The following DIP2C variants were observed in gnomAD, a reference collection of about 807,000 sequenced individuals.
DIP2C encodes disco-interacting protein 2 homolog C.
Under a neutral mutation model 192.4 loss-of-function variants are expected in DIP2C, and 33 were observed. The observed-to-expected ratio is 0.17, with a 90% CI of 0.13 to 0.23. The LOEUF (loss-of-function observed/expected upper bound fraction) is 0.23. DIP2C is among the 10% of genes least tolerant of loss of function. DIP2C has a pLI of 1.00. For missense variants in DIP2C, 1,537 were observed against 2,110.1 expected (o/e 0.73, Z 5.32); for synonymous variants, 979 against 864.1 (o/e 1.13, Z -2.33).
At chr10:348,616 G>T (rs767072916) in intron 26 of DIP2C, 25 bp downstream of exon 26, 1 of 1,609,150 alleles carries the variant, frequency 6.2e-7, no homozygotes, top group Non-Finnish European at 8.5e-7. Context: ...GCAGGTGGAG[G>T]CCCCGACATT....
chr10:422,089 T>C (rs1589758435), intron 5 of DIP2C, among the ~76,000 whole-genome samples: 1 of 152,186 alleles, frequency 6.6e-6, no homozygotes. Context: ...ACCGGGAGGG[T>C]CTGAGCCCGT....
At chr10:581,860 G>GCA (rs1362864950) in intron 1 of DIP2C, among the ~76,000 whole-genome samples, 1 of 152,118 alleles carries the variant, frequency 6.6e-6, no homozygotes, top group African/African-American at 2.4e-5. Flanking sequence ...TGACATCTTA[G>GCA]CACATGTTAG....
intron 22 of DIP2C, among the ~76,000 whole-genome samples, chr10:361,908 G>A (rs1023032127): frequency 1.3e-5 from 2 of 151,930 alleles, no homozygotes; most frequent in African/African-American, 2.4e-5. Flanking sequence ...CACATTCCCC[G>A]TGTCAATCAT....
chr10:597,319 C>T lies in DIP2C; in HGVS notation c.85+92175G>A, dbSNP rs1406660116. ...GTGGGTCCTGGGGCTTCTTGGCCTC[C>T]GTAGCCCCTGCAGCAAGCCTCCCCC... is the stretch of plus-strand genomic sequence containing the variant. On this transcript the variant is annotated intron_variant, in intron 1 of 36. Coordinates refer to ENST00000280886, the MANE Select transcript of DIP2C (RefSeq NM_014974.3). Among the ~76,000 whole-genome samples, 7 of 152,200 alleles carry T rather than the reference C, an allele frequency of 4.6e-5. No individual in the cohort carries two copies. In the East Asian group the frequency reaches 1.2e-3, roughly 25 times the overall value.
Position 357,842 on chromosome 10 carries a change from C to A in DIP2C, c.2890G>T (p.Asp964Tyr). The A allele has an allele frequency of 6.2e-7, 1 of 1,612,322 alleles. No individual in the cohort carries two copies. Among genetic ancestry groups the A allele is most frequent in the South Asian group, 1.1e-5 (1 of 90,996 alleles). Residue 964 changes from aspartate to tyrosine, a missense_variant, in exon 23 of 37, where the codon GAC (aspartate) becomes TAC (tyrosine). Asp to Tyr is a radical substitution (Grantham distance 160). Around this residue, in one of 4 missense-constraint regions of DIP2C, gnomAD observed 677 missense variants for 989.9 expected, o/e 0.68. Transcript: ENST00000280886. The part of the protein sequence containing the change: ...GRDLGQIEDN[D>Y]QARKFLFLSE... Reference sequence around the variant, plus strand: ...CCAGCTCCTACCTTGCGTGCCTGGTCGTTATCTTCGATCTGACCCAGGTCT... The same window carrying A: ...CCAGCTCCTACCTTGCGTGCCTGGTAGTTATCTTCGATCTGACCCAGGTCT...
intron 3 of DIP2C, among the ~76,000 whole-genome samples, chr10:462,807 G>A (rs1969901827): frequency 1.3e-5 from 2 of 151,396 alleles, no homozygotes; most frequent in Non-Finnish European, 3.0e-5. Context: ...CCAGCAGAAA[G>A]CCGATCCACC....
intron 10 of DIP2C, among the ~76,000 whole-genome samples, chr10:397,919 C>T (rs1345507581): frequency 6.6e-6 from 1 of 152,184 alleles, no homozygotes; most frequent in Non-Finnish European, 1.5e-5. Flanking sequence ...CCCTTACTCC[C>T]TCATCCTCTG....
chr10:580,289 C>T (rs1456096132), intron 1 of DIP2C, among the ~76,000 whole-genome samples: 1 of 152,098 alleles, frequency 6.6e-6, no homozygotes, highest in African/African-American at 2.4e-5. Flanking sequence ...TGTACATATG[C>T]AGCATGCGTA....
intron 28 of DIP2C, among the ~76,000 whole-genome samples, chr10:342,934 C>A (rs1279148084): frequency 6.6e-6 from 1 of 152,204 alleles, no homozygotes; most frequent in Non-Finnish European, 1.5e-5. Context: ...TCTAGCCAAA[C>A]AAACCTCAGA....
intron 1 of DIP2C, among the ~76,000 whole-genome samples, chr10:536,503 G>A (rs1847704771): frequency 6.6e-6 from 1 of 151,366 alleles, no homozygotes; most frequent in Admixed American, 6.6e-5. Context: ...CACAGTCCCA[G>A]GGGGGCCAGC....
chr10:525,384 A>G (rs1439140544), intron 1 of DIP2C, among the ~76,000 whole-genome samples: 1 of 152,242 alleles, frequency 6.6e-6, no homozygotes, highest in Non-Finnish European at 1.5e-5. Flanking sequence ...GCTGAGACTC[A>G]GCGTATCTCA....
intron 3 of DIP2C, among the ~76,000 whole-genome samples, chr10:445,258 G>A (rs1363910468): frequency 6.6e-6 from 1 of 151,674 alleles, no homozygotes; most frequent in Non-Finnish European, 1.5e-5. Flanking sequence ...ATGGCCCATG[G>A]GGCATCTGTA....
Position 363,141 on chromosome 10 carries a change from T to G in DIP2C, c.2592+56A>C, listed in dbSNP as rs1959736333. 6.7e-7 allele frequency: 1 copy of G among 1,498,216 alleles called. No homozygotes were observed. Among genetic ancestry groups the G allele is most frequent in the Admixed American group, 1.8e-5 (1 of 56,934 alleles). The allele number at this position is 1,498,216 out of a possible 1,614,324, so 92.8% of individuals were successfully genotyped here. ...TGGTCACACCATGATCTGAATGAAG[T>G]AAGGAGGCCAGAAACAAGACACAGG... On this transcript the variant is annotated intron_variant, in intron 21 of 36. Coordinates refer to ENST00000280886, the MANE Select transcript of DIP2C (RefSeq NM_014974.3). This position sits in a 1 kb window ranked among gnomAD's most constrained non-coding sequence, Gnocchi z 5.4.
At chr10:678,128 T>C (rs145341235) in intron 1 of DIP2C, among the ~76,000 whole-genome samples, 11 of 152,250 alleles carry the variant, frequency 7.2e-5, no homozygotes, top group African/African-American at 2.4e-4. Flanking sequence ...CCCCGAGCAG[T>C]GGGGAAAGTC....
chr10:379,396 A>G (rs1716562952), intron 17 of DIP2C, among the ~76,000 whole-genome samples: 1 of 152,108 alleles, frequency 6.6e-6, no homozygotes. Flanking sequence ...GTTTTGCATG[A>G]CAGACATTCT....
At chr10:502,566 G>T (rs965185292) in intron 1 of DIP2C, among the ~76,000 whole-genome samples, 1 of 152,030 alleles carries the variant, frequency 6.6e-6, no homozygotes, top group Non-Finnish European at 1.5e-5. Flanking sequence ...GGAAACTCAA[G>T]TCACACCAAA....
intron 31 of DIP2C, among the ~76,000 whole-genome samples, chr10:310,937 A>G (rs1183055636): frequency 6.6e-6 from 1 of 152,144 alleles, no homozygotes; most frequent in Non-Finnish European, 1.5e-5. Context: ...TTCAGAATTC[A>G]TTTGAAGAAT....
chr10:408,947 G>A lies in DIP2C; in HGVS notation c.1128C>T (p.Pro376=). The A allele has an allele frequency of 1.2e-6, 2 of 1,614,222 alleles. No individual in the cohort carries two copies. The highest frequency in any genetic ancestry group is 1.1e-5 in the South Asian group (1 of 91,078). Reference sequence around the variant, plus strand: ...TTACCCTATCTCCAGGCCGGACCATGGGTTCCTGCTTTGTGCCTAATTTGT... The same window carrying A: ...TTACCCTATCTCCAGGCCGGACCATAGGTTCCTGCTTTGTGCCTAATTTGT... The part of the protein sequence containing the change: ...ILHKLGTKQE[P]MVRPGDRVAL... The change falls in exon 9 of 37, where the codon CCC becomes CCT. Residue 376 remains proline (P), a synonymous_variant. Transcript: ENST00000280886.
chr10:484,643 A>G, intron 2 of DIP2C: 1 of 1,249,470 alleles, frequency 8.0e-7, no homozygotes, highest in Non-Finnish European at 1.1e-6. Flanking sequence ...CTGTGGAGCG[A>G]CCTGGCTCAC....
Sources: gnomAD v4.1 joint callset for allele counts (sites outside exome capture counted in the v4.1 genomes callset) on GRCh38, gnomAD v4.1.1 for gene constraint, gnomAD v4.1.1 regional missense constraint, Gnocchi (gnomAD v3.1) non-coding constraint, MANE v1.5 for transcripts, NCBI Gene and HGNC (gene_info 2026-07-23, HGNC 2026-07-21) for gene names.